ANK3: variants seen among roughly 807,000 people sequenced by gnomAD.
ANK3 encodes ankyrin 3.
A neutral mutation model predicts 370.9 loss-of-function variants in ANK3; 57 were observed. That is an observed-to-expected ratio of 0.15 (90% CI 0.12 to 0.19). ANK3 has a LOEUF of 0.19. ANK3 is among the 10% of genes least tolerant of loss of function. The pLI, the probability that ANK3 is intolerant of heterozygous loss-of-function variation, is 1.00. For missense variants in ANK3, 4,439 were observed against 5,302.1 expected (o/e 0.84, Z 5.06); for synonymous variants, 1,929 against 1,946.3 (o/e 0.99, Z 0.23).
At chr10:60,419,767 A>T (rs2063741038) in intron 2 of ANK3, among the ~76,000 whole-genome samples, 1 of 152,160 alleles carries the variant, frequency 6.6e-6, no homozygotes, top group Non-Finnish European at 1.5e-5. Flanking sequence ...TCCTAACTTC[A>T]GGTGAGGCCA....
chr10:60,381,774 A>G (rs1434492394), intron 1 of ANK3, among the ~76,000 whole-genome samples: 3 of 152,144 alleles, frequency 2.0e-5, no homozygotes, highest in African/African-American at 7.2e-5. Context: ...GTATGTAAAG[A>G]AAAAATAGTA....
At position 60,716,172 on chromosome 10, in the gene ANK3, C is replaced by A. The variant is rs535611267; in HGVS notation, c.57+17091G>T. Among the ~76,000 whole-genome samples the A allele has an allele frequency of 2.8e-5, 4 of 142,302 alleles. No homozygotes were observed. In the South Asian group the frequency reaches 1.0e-3, roughly 36 times the overall value. 93.4% of individuals were successfully genotyped at this position (142,302 alleles called of 152,430 possible). A position where few individuals can be genotyped will look rare whatever the true frequency, so the allele number is the denominator to read the frequency against. On this transcript the variant is annotated intron_variant, in intron 1 of 43. Coordinates refer to the ANK3 transcript ENST00000373827. ...GCTCATAAAAATTGTATTTTAACAT[C>A]AAAATCCAAGAAAGTTAAAAAAAAT...
chr10:60,075,549 G>A lies in ANK3; in HGVS notation c.5332C>T (p.Leu1778Phe). ...STTTAMPFSP[L>F]RSYVSAAPSA... Reference sequence around the variant, plus strand: ...GGTGCTGCAGAAACATATGACCTGAGTGGGGAAAATGGCATTGCAGTCGTG... The same window carrying A: ...GGTGCTGCAGAAACATATGACCTGAATGGGGAAAATGGCATTGCAGTCGTG... The change falls in exon 37 of 44, where the codon CTC becomes TTC. Residue 1778 changes from leucine (L) to phenylalanine (F), a missense_variant. Transcript: ENST00000280772. The A allele has an allele frequency of 6.2e-7, 1 of 1,614,044 alleles. No homozygotes were observed. Among genetic ancestry groups the A allele is most frequent in the East Asian group, 2.2e-5 (1 of 44,880 alleles).
At chr10:60,292,868 C>T (rs11813578) in intron 1 of ANK3, among the ~76,000 whole-genome samples, 2 of 151,882 alleles carry the variant, frequency 1.3e-5, no homozygotes, top group Non-Finnish European at 1.5e-5. Context: ...CAACCACGCC[C>T]GACTAATTTT....
At chr10:60,591,686 A>G (rs1414203421) in intron 2 of ANK3, among the ~76,000 whole-genome samples, 1 of 152,196 alleles carries the variant, frequency 6.6e-6, no homozygotes, top group Non-Finnish European at 1.5e-5. Flanking sequence ...GTATCCATCA[A>G]CATATGAATG....
chr10:60,045,869 G>A (rs2076868033), intron 42 of ANK3, among the ~76,000 whole-genome samples: 1 of 151,988 alleles, frequency 6.6e-6, no homozygotes, highest in Non-Finnish European at 1.5e-5. Context: ...CAAAATAACA[G>A]AATAAAGACT....
At chr10:60,451,646 G>A (rs2064605560) in intron 2 of ANK3, among the ~76,000 whole-genome samples, 1 of 152,182 alleles carries the variant, frequency 6.6e-6, no homozygotes. Context: ...CTATACCTAT[G>A]AATGTGTTTA....
chr10:60,284,689 A>C (rs2098218496), intron 1 of ANK3, among the ~76,000 whole-genome samples: 1 of 152,106 alleles, frequency 6.6e-6, no homozygotes, highest in African/African-American at 2.4e-5. Flanking sequence ...CATTAAGTTT[A>C]TTATGAGACT....
rs2098133849 is a variant in ANK3 at position 60,279,603 on chromosome 10, C to T, written c.151G>A (p.Ala51Thr). The change falls in exon 2 of 44, where the codon GCT becomes ACT. Residue 51 changes from alanine to threonine, a missense_variant. Coordinates refer to ENST00000280772, the MANE Select transcript of ANK3 (RefSeq NM_020987.5). The stretch of plus-strand genomic sequence containing the variant: ...TCGAGGGCCTTTTCAAGGTGTCCAG[C>T]TCGAGCTGCTCTTAAGTAACTTGCA... Reference protein sequence around the residue: ...ANASYLRAARAGHLEKALDYI... With the variant: ...ANASYLRAARTGHLEKALDYI... 1 of 1,612,074 alleles carries T rather than the reference C, an allele frequency of 6.2e-7. No individual in the cohort carries two copies. The highest frequency in any genetic ancestry group is 8.5e-7 in the Non-Finnish European group (1 of 1,179,580).
chr10:60,069,734 G>A lies in ANK3; in HGVS notation c.11147C>T (p.Pro3716Leu), dbSNP rs1471324561. Residue 3716 changes from proline (P) to leucine (L), a missense_variant, in exon 37 of 44, where the codon CCC becomes CTC. Coordinates refer to ENST00000280772, the MANE Select transcript of ANK3 (RefSeq NM_020987.5). ...CATTTTTATAGGCGTGCGCAACTTG[G>A]GGTCAACTTTAGAGGTGTTAGTGGC... ...AAATNTSKVD[P>L]KLRTPIKMGI... 4.3e-6 allele frequency: 7 copies of A among 1,613,688 alleles called. No individual in the cohort carries two copies. In the South Asian group the frequency reaches 7.7e-5, roughly 18 times the overall value.
chr10:60,573,298 C>T lies in ANK3; in HGVS notation c.96+41888G>A, dbSNP rs117270019. Among the ~76,000 whole-genome samples the T allele has an allele frequency of 1.8e-3, 274 of 151,922 alleles. 1 individual carries two copies. The highest frequency in any genetic ancestry group is 3.2e-3 in the Non-Finnish European group (219 of 67,984). On this transcript the variant is annotated intron_variant, in intron 2 of 43. Coordinates refer to the ANK3 transcript ENST00000373827. Reference sequence around the variant, plus strand: ...AGGATTTCTAATGCAGGGTTTATGACGGAAAGCCCCATACCCAATTTGCCA... The same window carrying T: ...AGGATTTCTAATGCAGGGTTTATGATGGAAAGCCCCATACCCAATTTGCCA...
At chr10:60,714,546 A>G (rs2079755342) in intron 1 of ANK3, among the ~76,000 whole-genome samples, 1 of 152,194 alleles carries the variant, frequency 6.6e-6, no homozygotes, top group Non-Finnish European at 1.5e-5. Context: ...ACCAAGTAAG[A>G]TTTATTCCAT....
intron 24 of ANK3, chr10:60,138,514 T>C (rs969923078): frequency 2.0e-5 from 8 of 402,892 alleles, no homozygotes; most frequent in Middle Eastern, 6.4e-4. Context: ...ATAAACAACA[T>C]AATTTTTTTT....
At chr10:60,195,367 G>C (rs1225268489) in intron 16 of ANK3, among the ~76,000 whole-genome samples, 3 of 144,336 alleles carry the variant, frequency 2.1e-5, no homozygotes, top group African/African-American at 7.8e-5. Context: ...CTGGGAGACA[G>C]AGCTAGTCTC....
At chr10:60,040,255 A>T (rs560850949) in intron 43 of ANK3, among the ~76,000 whole-genome samples, 135 of 152,156 alleles carry the variant, frequency 8.9e-4, no homozygotes, top group African/African-American at 3.2e-3. Context: ...TCTAAGACTC[A>T]GTCATATTTG....
chr10:60,166,983 T>C (rs1193719807), intron 21 of ANK3, 87 bp from the exon 22 acceptor site: 13 of 1,099,196 alleles, frequency 1.2e-5, no homozygotes, highest in Admixed American at 7.5e-5. Flanking sequence ...AATCAGTTTC[T>C]TGTGGAATGT....
intron 2 of ANK3, among the ~76,000 whole-genome samples, chr10:60,563,516 C>T (rs1260681646): frequency 6.6e-6 from 1 of 152,162 alleles, no homozygotes; most frequent in East Asian, 1.9e-4. Context: ...CTTGGGGCAG[C>T]ATCCCATAAG....
At chr10:60,706,625 CTCTT>C (rs1426681297) in intron 1 of ANK3, among the ~76,000 whole-genome samples, 2 of 151,832 alleles carry the variant, frequency 1.3e-5, no homozygotes, top group African/African-American at 4.8e-5. Context: ...TGTTTCTTTC[CTCTT>C]TCTTTAACTC....
intron 1 of ANK3, among the ~76,000 whole-genome samples, chr10:60,286,272 A>T (rs2098244080): frequency 6.6e-6 from 1 of 152,060 alleles, no homozygotes. Context: ...ACCCCTCTGT[A>T]GGCTAAATAT....
Sources: gnomAD v4.1 joint callset for allele counts (sites outside exome capture counted in the v4.1 genomes callset) on GRCh38, gnomAD v4.1.1 for gene constraint, MANE v1.5 for transcripts, NCBI Gene and HGNC (gene_info 2026-07-23, HGNC 2026-07-21) for gene names.